The following SLC10A7 variants were observed in gnomAD, a reference collection of about 807,000 sequenced individuals.
SLC10A7 encodes sodium/bile acid cotransporter 7.
Under a neutral mutation model 43.2 loss-of-function variants are expected in SLC10A7, and 29 were observed. That is an observed-to-expected ratio of 0.67 (90% CI 0.50 to 0.92). The LOEUF is 0.92. Ranked by LOEUF, SLC10A7 falls within the 40% of genes least tolerant of loss-of-function variation. SLC10A7 has a pLI of 0.00. For synonymous variants in SLC10A7, 152 were observed against 144.8 expected (o/e 1.05, Z -0.35); for missense variants, 295 against 403.2 (o/e 0.73, Z 2.30).
rs34522588 is a variant in SLC10A7, at chr4:146,335,251, TAAAAAAAAAAA to T, written c.436-9266_436-9256del. Among the ~76,000 whole-genome samples the T allele has an allele frequency of 3.5e-3, 321 of 92,656 alleles. 1 individual carries two copies. The highest frequency in any genetic ancestry group is 0.012 in the African/African-American group (292 of 23,558). The allele number at this position is 92,656 out of a possible 152,430, so 60.8% of individuals were successfully genotyped here. ...CATTAAAGTGTTGCCACAGATGTTGTAAAAAAAAAAAAAAAAAAAAAAAAAAAAAAGAGTCC... is the reference window on the plus strand; with the variant it reads ...CATTAAAGTGTTGCCACAGATGTTGTAAAAAAAAAAAAAAAAAAAGAGTCC... On this transcript the variant is annotated intron_variant, in intron 5 of 11. Transcript: ENST00000335472.
intron 4 of SLC10A7, among the ~76,000 whole-genome samples, chr4:146,477,266 C>T (rs1017920738): frequency 4.6e-5 from 7 of 152,210 alleles, no homozygotes; most frequent in African/African-American, 1.7e-4. Flanking sequence ...ACTAATCATG[C>T]TCTTGATAAC....
At chr4:146,367,558 CA>C (rs1449136444) in intron 5 of SLC10A7, among the ~76,000 whole-genome samples, 1 of 152,034 alleles carries the variant, frequency 6.6e-6, no homozygotes, top group Non-Finnish European at 1.5e-5. Flanking sequence ...CACTGAATGC[CA>C]GTTCTATTTT....
chr4:146,308,195 G>A (rs1240129710), intron 6 of SLC10A7, among the ~76,000 whole-genome samples: 1 of 152,162 alleles, frequency 6.6e-6, no homozygotes, highest in African/African-American at 2.4e-5. Flanking sequence ...GGTACATGAA[G>A]ACAGACGAGG....
chr4:146,274,237 T>G (rs886748720), intron 10 of SLC10A7, among the ~76,000 whole-genome samples: 22 of 142,912 alleles, frequency 1.5e-4, no homozygotes, highest in African/African-American at 5.8e-4. Context: ...GGAGTCTCAC[T>G]CTGTCACCCA....
chr4:146,346,852 A>G (rs1201229678), intron 5 of SLC10A7, among the ~76,000 whole-genome samples: 1 of 152,118 alleles, frequency 6.6e-6, no homozygotes, highest in African/African-American at 2.4e-5. Context: ...TATTATTAGG[A>G]TCTTTGTGAT....
intron 3 of SLC10A7, among the ~76,000 whole-genome samples, chr4:146,507,299 C>T (rs557431407): frequency 5.9e-5 from 9 of 152,276 alleles, no homozygotes; most frequent in East Asian, 1.9e-4. Context: ...CAGTGGCTCA[C>T]GCCTTTAATC....
At chr4:146,333,338 G>A (rs1009364693) in intron 5 of SLC10A7, among the ~76,000 whole-genome samples, 4 of 152,120 alleles carry the variant, frequency 2.6e-5, no homozygotes, top group African/African-American at 4.8e-5. Flanking sequence ...GACCCTATTA[G>A]ATGATGAGAC....
At chr4:146,299,184 G>T (rs150062283) in intron 7 of SLC10A7, among the ~76,000 whole-genome samples, 3 of 152,086 alleles carry the variant, frequency 2.0e-5, no homozygotes, top group Non-Finnish European at 4.4e-5. Flanking sequence ...CCATACAAGC[G>T]TTTATTTTCA....
intron 5 of SLC10A7, among the ~76,000 whole-genome samples, chr4:146,363,343 G>A (rs1736180806): frequency 2.0e-5 from 3 of 152,000 alleles, no homozygotes; most frequent in Non-Finnish European, 4.4e-5. Context: ...TGCACTCAAT[G>A]CAGCATCCAG....
At chr4:146,362,923 C>T (rs1028903445) in intron 5 of SLC10A7, among the ~76,000 whole-genome samples, 7 of 151,258 alleles carry the variant, frequency 4.6e-5, no homozygotes, top group African/African-American at 1.7e-4. Flanking sequence ...TACTTATAAA[C>T]AAAAGAAAAC....
Position 146,431,099 on chromosome 4 carries a change from T to C in SLC10A7, c.435+11684A>G, listed in dbSNP as rs1188022055. ...TCTATAATTTTCCCTTATTCTTTTA[T>C]GTCCATCCCCATTTCACATTTTGAA... On this transcript the variant is annotated intron_variant, in intron 5 of 11. Transcript: ENST00000335472. 7.2e-5 allele frequency among the ~76,000 whole-genome samples: 11 copies of C among 152,304 alleles called. No individual in the cohort carries two copies. In the East Asian group the frequency reaches 1.5e-3, roughly 21 times the overall value.
chr4:146,499,292 T>C (rs1736191755), intron 4 of SLC10A7, among the ~76,000 whole-genome samples: 2 of 152,104 alleles, frequency 1.3e-5, no homozygotes, highest in South Asian at 4.1e-4. Flanking sequence ...CCCATGTGAG[T>C]ACAGAGCCGC....
At chr4:146,394,304 G>A (rs1358639198) in intron 5 of SLC10A7, among the ~76,000 whole-genome samples, 3 of 152,066 alleles carry the variant, frequency 2.0e-5, no homozygotes, top group Admixed American at 2.0e-4. Context: ...AAAATCAATA[G>A]GTATTGTTTC....
At chr4:146,491,744 G>T (rs1052492039) in intron 4 of SLC10A7, among the ~76,000 whole-genome samples, 13 of 134,840 alleles carry the variant, frequency 9.6e-5, no homozygotes, top group Non-Finnish European at 1.8e-4. Context: ...AGGAAGGAAG[G>T]AAATAAATTC....
chr4:146,471,985 C>G (rs997411093), intron 4 of SLC10A7, among the ~76,000 whole-genome samples: 1 of 152,086 alleles, frequency 6.6e-6, no homozygotes, highest in Non-Finnish European at 1.5e-5. Context: ...CATACCCCCC[C>G]ACTCCCAAAA....
intron 5 of SLC10A7, among the ~76,000 whole-genome samples, chr4:146,433,071 AC>A (rs1351458730): frequency 6.6e-6 from 1 of 151,170 alleles, no homozygotes; most frequent in African/African-American, 2.4e-5. Context: ...TAAAAAATCA[AC>A]CCCCCTCACC....
chr4:146,368,225 T>A, intron 5 of SLC10A7, among the ~76,000 whole-genome samples: 1 of 152,214 alleles, frequency 6.6e-6, no homozygotes, highest in East Asian at 1.9e-4. Context: ...AAGCAGGTTT[T>A]AACACTAAAT....
intron 9 of SLC10A7, among the ~76,000 whole-genome samples, chr4:146,289,303 AG>A (rs1270202387): frequency 2.0e-5 from 3 of 152,308 alleles, no homozygotes; most frequent in Non-Finnish European, 4.4e-5. Flanking sequence ...CTATGGTGAA[AG>A]GCAGATTGAG....
chr4:146,311,479 C>A (rs72729816), intron 6 of SLC10A7, among the ~76,000 whole-genome samples: 7,164 of 152,212 alleles, frequency 0.047, 200 homozygotes, highest in Middle Eastern at 0.085. Context: ...AATCCATTAG[C>A]CACAGGCATC....
Sources: allele counts gnomAD v4.1 joint callset (sites outside exome capture counted in the v4.1 genomes callset), GRCh38; gene constraint gnomAD v4.1.1; transcripts MANE v1.5; gene names NCBI Gene and HGNC (gene_info 2026-07-23, HGNC 2026-07-21).